The following KHDRBS3 variants were observed in gnomAD, a reference collection of about 807,000 sequenced individuals.
KHDRBS3 encodes KH RNA binding domain containing, signal transduction associated 3, also known as KH domain-containing, RNA-binding, signal transduction-associated protein 3.
KHDRBS3 carries 23 observed loss-of-function variants against 45.6 expected under a neutral mutation model. That is an observed-to-expected ratio of 0.50 (90% CI 0.36 to 0.72). The LOEUF is 0.72. KHDRBS3 is among the 30% of genes least tolerant of loss of function. The probability of loss-of-function intolerance (pLI) is 0.00; values close to 1 mark genes in which losing one functional copy is unlikely to be tolerated. For synonymous variants in KHDRBS3, 162 were observed against 156.5 expected (o/e 1.04, Z -0.26); for missense variants, 352 against 424.8 (o/e 0.83, Z 1.51).
At chr8:135,469,627 C>G (rs1168771287) in intron 1 of KHDRBS3, among the ~76,000 whole-genome samples, 1 of 150,472 alleles carries the variant, frequency 6.6e-6, no homozygotes, top group Non-Finnish European at 1.5e-5. Flanking sequence ...CTCCCAGGTT[C>G]AAGCAATTCT....
intron 1 of KHDRBS3, among the ~76,000 whole-genome samples, chr8:135,512,941 A>G (rs1824378166): frequency 6.6e-6 from 1 of 152,152 alleles, no homozygotes; most frequent in South Asian, 2.1e-4. Flanking sequence ...GGCTAGGCGC[A>G]GTGGCTCACA....
At chr8:135,478,599 G>A (rs911841819) in intron 1 of KHDRBS3, among the ~76,000 whole-genome samples, 2 of 152,210 alleles carry the variant, frequency 1.3e-5, no homozygotes, top group Non-Finnish European at 2.9e-5. Flanking sequence ...GCCTCAGTGA[G>A]TTTTAAAGGA....
chr8:135,645,905 G>A (rs1831262673), intron 8 of KHDRBS3, among the ~76,000 whole-genome samples: 1 of 151,182 alleles, frequency 6.6e-6, no homozygotes, highest in South Asian at 2.1e-4. Context: ...TCTCTTAACA[G>A]AACGGAAAAA....
chr8:135,530,243 T>C (rs1825404827), intron 2 of KHDRBS3, among the ~76,000 whole-genome samples: 1 of 152,192 alleles, frequency 6.6e-6, no homozygotes, highest in African/African-American at 2.4e-5. Context: ...TCTTGGATAT[T>C]ACTATACTGA....
intron 2 of KHDRBS3, chr8:135,540,238 A>C (rs931032059): frequency 2.6e-5 from 4 of 152,222 alleles, no homozygotes; most frequent in Non-Finnish European, 5.9e-5. Context: ...TGCAAAATAA[A>C]TAGATAAATG....
At chr8:135,478,758 A>C (rs1351426275) in intron 1 of KHDRBS3, among the ~76,000 whole-genome samples, 1 of 152,270 alleles carries the variant, frequency 6.6e-6, no homozygotes, top group East Asian at 1.9e-4. Context: ...AAGTGAAATT[A>C]GAAAATATTT....
intron 1 of KHDRBS3, among the ~76,000 whole-genome samples, chr8:135,513,125 G>A (rs185800107): frequency 2.0e-5 from 3 of 152,154 alleles, no homozygotes; most frequent in Admixed American, 6.5e-5. Flanking sequence ...GCATGAACCC[G>A]GGAGGCGGAG....
chr8:135,596,642 GAC>G (rs1400583373), intron 6 of KHDRBS3, among the ~76,000 whole-genome samples: 5 of 152,132 alleles, frequency 3.3e-5, no homozygotes, highest in East Asian at 3.8e-4. Context: ...TACAGAAGCA[GAC>G]ACAGTGGATT....
At position 135,472,836 on chromosome 8, in the gene KHDRBS3, G is replaced by T. The variant is rs141243067; in HGVS notation, c.88+14882G>T. Among the ~76,000 whole-genome samples the T allele has an allele frequency of 5.4e-3, 815 of 152,284 alleles. 5 individuals are homozygous for T. The highest frequency in any genetic ancestry group is 0.018 in the African/African-American group (756 of 41,540). On this transcript the variant is annotated intron_variant, in intron 1 of 8. Transcript: ENST00000355849. ...GCATTGCCCTGACTTTGAAGTTGTG[G>T]CTGAGGATGAGATCACTCAGGGAGT...
intron 7 of KHDRBS3, among the ~76,000 whole-genome samples, chr8:135,624,571 G>A (rs982620773): frequency 8.5e-5 from 13 of 152,264 alleles, no homozygotes; most frequent in African/African-American, 3.1e-4. Context: ...TTTTTAGCAC[G>A]GATGCAGTTG....
intron 5 of KHDRBS3, among the ~76,000 whole-genome samples, chr8:135,577,194 C>T (rs2130908013): frequency 6.6e-6 from 1 of 152,032 alleles, no homozygotes; most frequent in East Asian, 1.9e-4. Context: ...TTTTCATATG[C>T]TTTAACCTAG....
chr8:135,544,589 G>A (rs1378025871), intron 3 of KHDRBS3, among the ~76,000 whole-genome samples: 1 of 152,114 alleles, frequency 6.6e-6, no homozygotes, highest in Non-Finnish European at 1.5e-5. Context: ...TGGCCATTTT[G>A]CTGATGAGCA....
At chr8:135,648,469 A>G (rs1284255839), downstream of KHDRBS3, 2 of 152,166 alleles carry the variant, frequency 1.3e-5, no homozygotes, top group African/African-American at 2.4e-5. Flanking sequence ...ATTGTGTAAA[A>G]TGTTTAATTT....
At chr8:135,597,674 G>T (rs1188579122) in intron 6 of KHDRBS3, among the ~76,000 whole-genome samples, 2 of 152,074 alleles carry the variant, frequency 1.3e-5, no homozygotes, top group Non-Finnish European at 2.9e-5. Flanking sequence ...TATGTCCCCG[G>T]TGCTCAGCAC....
At position 135,531,435 on chromosome 8, in the gene KHDRBS3, A is replaced by G. The variant is rs541693827; in HGVS notation, c.207+10080A>G. Among the ~76,000 whole-genome samples, 59 of 152,216 alleles carry G rather than the reference A, an allele frequency of 3.9e-4. No individual in the cohort carries two copies. In the East Asian group the frequency reaches 6.6e-3, roughly 17 times the overall value. On this transcript the variant is annotated intron_variant, in intron 2 of 8. Coordinates refer to ENST00000355849, the MANE Select transcript of KHDRBS3 (RefSeq NM_006558.3). ...ATCTCTGCAACAACAAAAAAAATCA[A>G]TAAAAACCTTATTGAATAGTGCTAT...
chr8:135,643,996 A>C (rs1322535857), intron 7 of KHDRBS3, among the ~76,000 whole-genome samples: 2 of 152,200 alleles, frequency 1.3e-5, no homozygotes, highest in Admixed American at 6.5e-5. Context: ...TGATTGTATG[A>C]AATTGGAAGA....
At chr8:135,570,271 A>G (rs1416682835) in intron 5 of KHDRBS3, among the ~76,000 whole-genome samples, 2 of 152,218 alleles carry the variant, frequency 1.3e-5, no homozygotes, top group African/African-American at 4.8e-5. Context: ...GTAAACACCA[A>G]AGTGTTACAT....
chr8:135,563,912 G>A (rs1827282278), intron 5 of KHDRBS3, among the ~76,000 whole-genome samples: 1 of 152,192 alleles, frequency 6.6e-6, no homozygotes, highest in South Asian at 2.1e-4. Context: ...GATACCAGAA[G>A]CAGCAAGAAG....
At chr8:135,469,513 T>TTTTTG (rs1554612449) in intron 1 of KHDRBS3, among the ~76,000 whole-genome samples, 12 of 21,552 alleles carry the variant, frequency 5.6e-4, no homozygotes, top group Admixed American at 1.2e-3. Flanking sequence ...GGTGTTTTTT[T>TTTTTG]TTTGTTTTGG....
Sources: gnomAD v4.1 joint callset for allele counts (sites outside exome capture counted in the v4.1 genomes callset) on GRCh38, gnomAD v4.1.1 for gene constraint, MANE v1.5 for transcripts, NCBI Gene and HGNC (gene_info 2026-07-23, HGNC 2026-07-21) for gene names.